Variants in FLRT2 observed in about 807,000 individuals in gnomAD.
FLRT2 encodes fibronectin leucine rich transmembrane protein 2.
FLRT2 carries 15 observed loss-of-function variants against 40.0 expected under a neutral mutation model. That is an observed-to-expected ratio of 0.38 (90% CI 0.25 to 0.58). FLRT2 has a LOEUF of 0.58. Among genes scored for constraint, FLRT2 ranks in the 20% least tolerant of loss-of-function variants. FLRT2 has a pLI of 0.71. For synonymous variants in FLRT2, 380 were observed against 336.8 expected (o/e 1.13, Z -1.41); for missense variants, 726 against 840.0 (o/e 0.86, Z 1.68).
rs1894398904 is a variant in FLRT2, at chr14:85,650,127, T to C, written c.*26630T>C. On this transcript the variant is annotated 3_prime_UTR_variant, in exon 2 of 2. Transcript: ENST00000330753. Reference sequence around the variant, plus strand: ...ACACTATCCTCTTTGCTTTGTCAAATACTTACTACGTTCATATGTATTGAT... The same window carrying C: ...ACACTATCCTCTTTGCTTTGTCAAACACTTACTACGTTCATATGTATTGAT... 1.3e-5 allele frequency: 2 copies of C among 152,174 alleles called. No individual in the cohort carries two copies. The highest frequency in any genetic ancestry group is 4.1e-4 in the South Asian group (2 of 4,828). 9.4% of individuals were successfully genotyped at this position (152,174 alleles called of 1,614,324 possible). A position where few individuals can be genotyped will look rare whatever the true frequency, so the allele number is the denominator to read the frequency against.
intron 1 of FLRT2, among the ~76,000 whole-genome samples, chr14:85,561,901 CTGT>C (rs1327672121): frequency 6.6e-6 from 1 of 152,086 alleles, no homozygotes; most frequent in Non-Finnish European, 1.5e-5. Context: ...GTTGTTGTGG[CTGT>C]TGTTTGGTTT....
chr14:85,568,099 G>A (rs998050462), intron 1 of FLRT2, among the ~76,000 whole-genome samples: 4 of 152,002 alleles, frequency 2.6e-5, no homozygotes, highest in African/African-American at 7.3e-5. Flanking sequence ...TGTTCTGCTT[G>A]TGGAGGGTTC....
chr14:85,606,829 GTT>G (rs1316761112), intron 1 of FLRT2, among the ~76,000 whole-genome samples: 1 of 151,002 alleles, frequency 6.6e-6, no homozygotes. Context: ...GCCGTTAGCT[GTT>G]ACTCTTATTT....
At chr14:85,613,158 GTTA>G (rs879578759) in intron 1 of FLRT2, among the ~76,000 whole-genome samples, 5 of 151,942 alleles carry the variant, frequency 3.3e-5, no homozygotes, top group Admixed American at 2.0e-4. Flanking sequence ...AAAATATATT[GTTA>G]TTATATAAGT....
chr14:85,564,282 A>G (rs912564946), intron 1 of FLRT2, among the ~76,000 whole-genome samples: 11 of 152,194 alleles, frequency 7.2e-5, no homozygotes, highest in African/African-American at 2.4e-4. Flanking sequence ...ATTGGCTTCA[A>G]TTGCCTATAT....
intron 1 of FLRT2, among the ~76,000 whole-genome samples, chr14:85,620,281 CAT>C (rs1052236502): frequency 5.7e-4 from 86 of 151,364 alleles, no homozygotes; most frequent in African/African-American, 1.9e-3. Flanking sequence ...TGTTTTAAAT[CAT>C]GTGGTAATGT....
chr14:85,612,484 G>A (rs1352876297), intron 1 of FLRT2, among the ~76,000 whole-genome samples: 2 of 152,088 alleles, frequency 1.3e-5, no homozygotes, highest in African/African-American at 4.8e-5. Context: ...AGCTTATCTG[G>A]GTTTTATTTA....
At chr14:85,570,390 A>G (rs1890832914) in intron 1 of FLRT2, among the ~76,000 whole-genome samples, 2 of 152,178 alleles carry the variant, frequency 1.3e-5, no homozygotes, top group African/African-American at 2.4e-5. Flanking sequence ...TGATTACAGT[A>G]TTAGAAGTAT....
intron 1 of FLRT2, among the ~76,000 whole-genome samples, chr14:85,535,723 C>T (rs1446702709): frequency 6.6e-6 from 1 of 152,008 alleles, no homozygotes; most frequent in Admixed American, 6.6e-5. Flanking sequence ...CAGTGCAACA[C>T]CATACTGTCA....
intron 1 of FLRT2, among the ~76,000 whole-genome samples, chr14:85,540,863 A>G (rs925118134): frequency 1.2e-4 from 19 of 152,316 alleles, no homozygotes; most frequent in Admixed American, 5.2e-4. Context: ...GTTGAATGAT[A>G]TAATATTTGA....
rs1893985234 is a variant in FLRT2, at chr14:85,635,798, A to G, written c.*12301A>G. ...CCTTCAATACTTTTATAAAACCACT[A>G]CTTAGCAGCTAACAATGAAATGTTC... On this transcript the variant is annotated 3_prime_UTR_variant, in exon 2 of 2. Transcript: ENST00000330753. The G allele has an allele frequency of 6.6e-6, 1 of 152,154 alleles. No homozygotes were observed. The highest frequency in any genetic ancestry group is 2.4e-5 in the African/African-American group (1 of 41,458). 9.4% of individuals were successfully genotyped at this position (152,154 alleles called of 1,614,324 possible). A position where few individuals can be genotyped will look rare whatever the true frequency, so the allele number is the denominator to read the frequency against.
At position 85,577,880 on chromosome 14, in the gene FLRT2, C is replaced by T. The variant is rs556587674; in HGVS notation, c.-376-43259C>T. The stretch of plus-strand genomic sequence containing the variant: ...ACAGGTGTGAGCTACCACACTAGGG[C>T]CTGATTTACTTTTTTATTTTTTTTC... On this transcript the variant is annotated intron_variant, in intron 1 of 1. Coordinates refer to ENST00000330753, the MANE Select transcript of FLRT2 (RefSeq NM_013231.6). Among the ~76,000 whole-genome samples the T allele has an allele frequency of 2.0e-5, 3 of 152,000 alleles. No individual in the cohort carries two copies. The South Asian group carries it at 6.2e-4, about 32-fold the overall frequency.
At position 85,644,380 on chromosome 14, in the gene FLRT2, T is replaced by A. The variant is rs1199861953; in HGVS notation, c.*20883T>A. ...CTTTCACTTTCATTAACACGCCCCATGGAGATATCATGAATTACTCTCAGG... is the reference window on the plus strand; with the variant it reads ...CTTTCACTTTCATTAACACGCCCCAAGGAGATATCATGAATTACTCTCAGG... On this transcript the variant is annotated 3_prime_UTR_variant, in exon 2 of 2. Coordinates refer to ENST00000330753, the MANE Select transcript of FLRT2 (RefSeq NM_013231.6). 1.3e-5 allele frequency: 2 copies of A among 152,140 alleles called. No individual in the cohort carries two copies. The highest frequency in any genetic ancestry group is 2.9e-5 in the Non-Finnish European group (2 of 68,028). 9.4% of individuals were successfully genotyped at this position (152,140 alleles called of 1,614,324 possible). A position where few individuals can be genotyped will look rare whatever the true frequency, so the allele number is the denominator to read the frequency against.
At chr14:85,587,848 A>C (rs896880281) in intron 1 of FLRT2, among the ~76,000 whole-genome samples, 2 of 152,128 alleles carry the variant, frequency 1.3e-5, no homozygotes, top group African/African-American at 4.8e-5. Flanking sequence ...TTGTCTAATC[A>C]CCTGGTTAGT....
intron 1 of FLRT2, among the ~76,000 whole-genome samples, chr14:85,577,326 A>G (rs1891161622): frequency 6.6e-6 from 1 of 152,214 alleles, no homozygotes; most frequent in Non-Finnish European, 1.5e-5. Flanking sequence ...GATTCATTTT[A>G]GATGACAAAT....
chr14:85,564,902 GGAGAT>G (rs1468880703), intron 1 of FLRT2, among the ~76,000 whole-genome samples: 1 of 152,160 alleles, frequency 6.6e-6, no homozygotes, highest in Non-Finnish European at 1.5e-5. Flanking sequence ...ATCAAGTGAA[GGAGAT>G]AAGAGACTCA....
At chr14:85,603,943 T>G (rs528890744) in intron 1 of FLRT2, among the ~76,000 whole-genome samples, 21 of 152,146 alleles carry the variant, frequency 1.4e-4, no homozygotes, top group Non-Finnish European at 2.9e-4. Context: ...TAAGGTAACT[T>G]TTCCTTGTGT....
At chr14:85,558,008 A>C (rs116187218) in intron 1 of FLRT2, among the ~76,000 whole-genome samples, 6 of 143,822 alleles carry the variant, frequency 4.2e-5, no homozygotes, top group Non-Finnish European at 1.5e-5. Context: ...CCATAGACTT[A>C]TGTGGAAAGC....
intron 1 of FLRT2, among the ~76,000 whole-genome samples, chr14:85,554,301 G>A (rs565260694): frequency 9.2e-5 from 14 of 152,324 alleles, no homozygotes; most frequent in Non-Finnish European, 1.6e-4. Context: ...CATTGTAGAA[G>A]ATAAACATTT....
Sources: allele counts gnomAD v4.1 joint callset (sites outside exome capture counted in the v4.1 genomes callset), GRCh38; gene constraint gnomAD v4.1.1; transcripts MANE v1.5; gene names NCBI Gene and HGNC (gene_info 2026-07-23, HGNC 2026-07-21).